The following FOXN3 variants were observed in gnomAD, a reference collection of about 807,000 sequenced individuals.
FOXN3 encodes forkhead box protein N3.
FOXN3 carries 7 observed loss-of-function variants against 38.4 expected under a neutral mutation model. That is an observed-to-expected ratio of 0.18 (90% CI 0.10 to 0.34). FOXN3 has a LOEUF of 0.34. Ranked by LOEUF, FOXN3 falls within the 10% of genes least tolerant of loss-of-function variation. The pLI, the probability that FOXN3 is intolerant of heterozygous loss-of-function variation, is 1.00. For synonymous variants in FOXN3, 230 were observed against 242.2 expected, an observed-to-expected ratio of 0.95 and a Z score of 0.47; for missense variants, 456 against 613.4, an observed-to-expected ratio of 0.74 and a Z score of 2.71.
chr14:89,567,615 G>T (rs1041766990), intron 1 of FOXN3, among the ~76,000 whole-genome samples: 2 of 151,926 alleles, frequency 1.3e-5, no homozygotes, highest in Non-Finnish European at 2.9e-5. Flanking sequence ...ACCAAGGGAA[G>T]ATTATTTATT....
In FOXN3 at chr14:89,164,624, T is replaced by C. The variant is rs1455858981; in HGVS notation, c.852-1655A>G. ...GTGTCAGCACGGTGGACACAGCAGA[T>C]AAACTGAGGAAGTGCGGCACAGGTG... On this transcript the variant is annotated intron_variant, in intron 5 of 5. Coordinates refer to ENST00000557258, the MANE Select transcript of FOXN3 (RefSeq NM_005197.4). This position sits in a 1 kb window ranked among gnomAD's most constrained non-coding sequence, Gnocchi z 4.3. Among the ~76,000 whole-genome samples, 1 of 152,076 alleles carries C rather than the reference T, an allele frequency of 6.6e-6. No homozygotes were observed. The highest frequency in any genetic ancestry group is 2.4e-5 in the African/African-American group (1 of 41,386).
chr14:89,227,000 C>T (rs10134653), intron 4 of FOXN3, among the ~76,000 whole-genome samples: 51,972 of 152,026 alleles, frequency 0.34, 9,039 homozygotes, highest in South Asian at 0.44. Context: ...TTGTTGAAGC[C>T]GCTCCGTGCT....
intron 1 of FOXN3, among the ~76,000 whole-genome samples, chr14:89,572,404 G>A (rs1422553218): frequency 6.6e-6 from 1 of 152,156 alleles, no homozygotes; most frequent in Non-Finnish European, 1.5e-5. Context: ...AGAAAAGCTG[G>A]CCACTGAAGT....
intron 2 of FOXN3, among the ~76,000 whole-genome samples, chr14:89,394,074 G>A (rs2140080601): frequency 6.6e-6 from 1 of 151,964 alleles, no homozygotes; most frequent in South Asian, 2.1e-4. Context: ...AGAGAAAGGG[G>A]GCCAAAACTC....
At chr14:89,357,930 A>G (rs1018426951) in intron 2 of FOXN3, among the ~76,000 whole-genome samples, 1 of 152,054 alleles carries the variant, frequency 6.6e-6, no homozygotes, top group African/African-American at 2.4e-5. Flanking sequence ...ATTGACCCCA[A>G]CCTTTCTAGC....
At chr14:89,575,207 C>A (rs1016316877) in intron 1 of FOXN3, among the ~76,000 whole-genome samples, 1 of 152,126 alleles carries the variant, frequency 6.6e-6, no homozygotes, top group African/African-American at 2.4e-5. Flanking sequence ...ACGAAGGGGA[C>A]CCCCAAGCGA....
rs534741433 is a variant in FOXN3, at chr14:89,159,051, C to T, written c.*3363G>A. 1.3e-5 allele frequency: 2 copies of T among 152,730 alleles called. No homozygotes were observed. The highest frequency in any genetic ancestry group is 4.1e-4 in the South Asian group (2 of 4,822). The allele number at this position is 152,730 out of a possible 1,614,324, so 9.5% of individuals were successfully genotyped here. A position where few individuals can be genotyped will look rare whatever the true frequency, so the allele number is the denominator to read the frequency against. The stretch of plus-strand genomic sequence containing the variant: ...AACACCTGACGTTTGGGAAGGAATT[C>T]CAAGACTAAAGTGAATGACACTTAA... On this transcript the variant is annotated 3_prime_UTR_variant, in exon 6 of 6. Transcript: ENST00000557258.
In FOXN3 at chr14:89,412,204, G is replaced by T. The variant is rs1804718; in HGVS notation, c.273C>A (p.Asp91Glu). The change falls in exon 2 of 6, where the codon GAC becomes GAA. Residue 91 changes from aspartate to glutamate, a missense_variant. This residue lies in a region of FOXN3 where 386 missense variants were observed against 505.2 expected (regional missense o/e 0.76). Transcript: ENST00000557258. The surrounding 1 kb of genome is among the most constrained non-coding windows in gnomAD (Gnocchi z 4.7). The part of the protein sequence containing the change: ...LRSVSPVQDL[D>E]DDTPPSPAHS... ...GGGCAGGGGATGGGGGGGTGTCATC[G>T]TCCAGGTCCTGGACGGGGCTGACAC... 6.2e-7 allele frequency: 1 copy of T among 1,613,946 alleles called. No homozygotes were observed. Among genetic ancestry groups the T allele is most frequent in the Non-Finnish European group, 8.5e-7 (1 of 1,179,944 alleles).
At chr14:89,439,950 A>C (rs4899994) in intron 1 of FOXN3, among the ~76,000 whole-genome samples, 54,534 of 151,762 alleles carry the variant, frequency 0.36, 10,291 homozygotes, top group East Asian at 0.57. Flanking sequence ...CACCGCGTCC[A>C]GCCTCCTTTA....
intron 4 of FOXN3, 62 bp from the exon 5 acceptor site, chr14:89,180,868 A>T (rs1887649111): frequency 7.2e-7 from 1 of 1,390,578 alleles, no homozygotes; most frequent in Admixed American, 2.0e-5. Context: ...TTTCCGTTCC[A>T]AGTCAGAAAT....
At chr14:89,455,829 C>T (rs983124554) in intron 1 of FOXN3, among the ~76,000 whole-genome samples, 1 of 152,174 alleles carries the variant, frequency 6.6e-6, no homozygotes, top group African/African-American at 2.4e-5. Context: ...TTGTACTTGC[C>T]TGTTAATAAA....
chr14:89,508,308 GCA>G (rs1159761462), intron 1 of FOXN3, among the ~76,000 whole-genome samples: 1 of 152,162 alleles, frequency 6.6e-6, no homozygotes, highest in East Asian at 1.9e-4. Context: ...GGCATTATGT[GCA>G]CACAGAGAAG....
rs1311854045 is a variant in FOXN3, at chr14:89,303,079, CT to C, written c.681-22066del. Among the ~76,000 whole-genome samples the C allele has an allele frequency of 3.3e-5, 5 of 152,166 alleles. No homozygotes were observed. The East Asian group carries it at 9.6e-4, about 29-fold the overall frequency. ...CTGTGACCTGTGCCACTTCCAGGTT[CT>C]TTAGCACTAAACAATTGGCTCCACT... is the stretch of plus-strand genomic sequence containing the variant. On this transcript the variant is annotated intron_variant, in intron 3 of 5. Transcript: ENST00000557258.
At chr14:89,326,558 T>A (rs146210770) in intron 3 of FOXN3, among the ~76,000 whole-genome samples, 3 of 152,294 alleles carry the variant, frequency 2.0e-5, no homozygotes, top group South Asian at 2.1e-4. Context: ...AATTTTGTGA[T>A]AGAAAATTGA....
At chr14:89,507,399 G>A (rs1228865723) in intron 1 of FOXN3, among the ~76,000 whole-genome samples, 2 of 152,186 alleles carry the variant, frequency 1.3e-5, no homozygotes, top group East Asian at 3.8e-4. Context: ...TAGCAGGCCA[G>A]GTAACACTTG....
At chr14:89,374,288 A>G (rs8007395) in intron 2 of FOXN3, among the ~76,000 whole-genome samples, 1 of 148,378 alleles carries the variant, frequency 6.7e-6, no homozygotes, top group African/African-American at 2.5e-5. Flanking sequence ...AAAAAAAAAA[A>G]AAGAAGGAAG....
intron 1 of FOXN3, among the ~76,000 whole-genome samples, chr14:89,579,023 A>G (rs1348903712): frequency 1.3e-5 from 2 of 151,344 alleles, no homozygotes; most frequent in South Asian, 2.1e-4. Flanking sequence ...AATTTTTTAA[A>G]TTTTTTTCTA....
chr14:89,278,301 C>T (rs111617455), intron 4 of FOXN3, among the ~76,000 whole-genome samples: 1,538 of 152,204 alleles, frequency 0.01, 23 homozygotes, highest in African/African-American at 0.034. Context: ...TGCACCACCA[C>T]GAGAACAGTA....
At chr14:89,172,168 A>G (rs976796529) in intron 5 of FOXN3, among the ~76,000 whole-genome samples, 3 of 152,170 alleles carry the variant, frequency 2.0e-5, no homozygotes, top group African/African-American at 4.8e-5. Flanking sequence ...AACTTTAGGG[A>G]AAAAAATCAT....
Sources: allele counts gnomAD v4.1 joint callset (sites outside exome capture counted in the v4.1 genomes callset), GRCh38; gene constraint gnomAD v4.1.1; regional missense constraint gnomAD v4.1.1; non-coding constraint Gnocchi (gnomAD v3.1); transcripts MANE v1.5; gene names NCBI Gene and HGNC (gene_info 2026-07-23, HGNC 2026-07-21).